The following CRPPA variants were observed in gnomAD, a reference collection of about 807,000 sequenced individuals.
CRPPA encodes D-ribitol-5-phosphate cytidylyltransferase.
CRPPA carries 43 observed loss-of-function variants against 52.0 expected under a neutral mutation model. The ratio of observed to expected loss-of-function variants is 0.83; its 90% CI spans 0.65 to 1.07. The LOEUF is 1.07. Among genes scored for constraint, CRPPA ranks in the 50% least tolerant of loss-of-function variants. CRPPA has a pLI of 0.00. For synonymous variants in CRPPA, 250 were observed against 203.5 expected, an observed-to-expected ratio of 1.23 and a Z score of -1.94; for missense variants, 629 against 551.7, an observed-to-expected ratio of 1.14 and a Z score of -1.40.
chr7:16,306,025 T>G (rs1239254468), intron 4 of CRPPA, among the ~76,000 whole-genome samples: 2 of 152,228 alleles, frequency 1.3e-5, no homozygotes, highest in Admixed American at 6.5e-5. Flanking sequence ...TGGCAACCCC[T>G]GCCATTCCTT....
At chr7:16,394,489 T>C (rs1787521420) in intron 2 of CRPPA, among the ~76,000 whole-genome samples, 1 of 152,106 alleles carries the variant, frequency 6.6e-6, no homozygotes, top group Admixed American at 6.6e-5. Flanking sequence ...GTTTATTCAT[T>C]GGGGGGATTA....
intron 4 of CRPPA, among the ~76,000 whole-genome samples, chr7:16,307,899 A>G (rs1265906371): frequency 4.7e-5 from 6 of 127,202 alleles, no homozygotes; most frequent in African/African-American, 1.9e-4. Flanking sequence ...TTGTAGCTTT[A>G]ATCAAACTGA....
intron 6 of CRPPA, among the ~76,000 whole-genome samples, chr7:16,260,521 G>A (rs1373797313): frequency 2.0e-5 from 3 of 151,956 alleles, no homozygotes; most frequent in African/African-American, 7.2e-5. Context: ...CTACTGCTGT[G>A]GTTATAAATG....
At chr7:16,297,575 T>A (rs529959821) in intron 5 of CRPPA, among the ~76,000 whole-genome samples, 216 of 152,314 alleles carry the variant, frequency 1.4e-3, no homozygotes, top group African/African-American at 4.3e-3. Flanking sequence ...TCCACCTTCA[T>A]TGAATCACAA....
chr7:16,252,137 G>A (rs569341262), intron 8 of CRPPA, among the ~76,000 whole-genome samples: 2 of 152,110 alleles, frequency 1.3e-5, no homozygotes, highest in Admixed American at 6.6e-5. Context: ...GTTGAACATC[G>A]ATGTGAAAAT....
chr7:16,258,332 A>C (rs1029109377), intron 8 of CRPPA, 58 bp downstream of exon 8: 8 of 1,067,554 alleles, frequency 7.5e-6, no homozygotes, highest in South Asian at 5.7e-5. Flanking sequence ...AAATATGTAC[A>C]TTGAGTTACA....
At chr7:16,313,282 T>C (rs1355248600) in intron 3 of CRPPA, among the ~76,000 whole-genome samples, 1 of 151,972 alleles carries the variant, frequency 6.6e-6, no homozygotes, top group Admixed American at 6.6e-5. Flanking sequence ...GTTCTTCCTG[T>C]ATGATTTTGG....
chr7:16,259,676 G>A (rs62440451), intron 6 of CRPPA, among the ~76,000 whole-genome samples: 47,880 of 151,672 alleles, frequency 0.32, 8,757 homozygotes, highest in Admixed American at 0.44. Context: ...ATCACAATAT[G>A]AACAAAAACT....
chr7:16,244,031 C>A (rs991626593), intron 8 of CRPPA, among the ~76,000 whole-genome samples: 8 of 152,068 alleles, frequency 5.3e-5, no homozygotes, highest in Non-Finnish European at 1.2e-4. Context: ...ATAATGTCTA[C>A]AAGATTATAC....
At chr7:16,281,115 A>T (rs1784313170) in intron 5 of CRPPA, among the ~76,000 whole-genome samples, 1 of 152,212 alleles carries the variant, frequency 6.6e-6, no homozygotes, top group Non-Finnish European at 1.5e-5. Context: ...TCATTGCCAC[A>T]TAAATTTTTA....
At chr7:16,119,192 T>C (rs1159762370) in intron 9 of CRPPA, among the ~76,000 whole-genome samples, 1 of 151,994 alleles carries the variant, frequency 6.6e-6, no homozygotes, top group African/African-American at 2.4e-5. Flanking sequence ...CAATTTCTAA[T>C]TACAGGGAAG....
At chr7:16,370,156 A>C (rs1315355955) in intron 3 of CRPPA, among the ~76,000 whole-genome samples, 1 of 152,216 alleles carries the variant, frequency 6.6e-6, no homozygotes. Flanking sequence ...GAGGGGTTGC[A>C]GGGTGAAAGA....
chr7:16,123,519 A>G (rs1782517175), intron 9 of CRPPA, among the ~76,000 whole-genome samples: 1 of 152,206 alleles, frequency 6.6e-6, no homozygotes, highest in African/African-American at 2.4e-5. Flanking sequence ...GAAGCCAAGG[A>G]TAGCTTTCAA....
intron 4 of CRPPA, 126 bp downstream of exon 4, chr7:16,308,397 T>C: frequency 1.6e-6 from 1 of 624,562 alleles, no homozygotes; most frequent in Non-Finnish European, 2.9e-6. Context: ...TACTACACAT[T>C]GATGGTTCAG....
chr7:16,216,292 C>A, intron 8 of CRPPA, 95 bp from the exon 9 acceptor site: 1 of 700,360 alleles, frequency 1.4e-6, no homozygotes, highest in Admixed American at 3.3e-5. Context: ...CATATGATTA[C>A]AATATTGCAA....
intron 9 of CRPPA, among the ~76,000 whole-genome samples, chr7:16,199,863 T>C (rs1390528028): frequency 6.7e-6 from 1 of 149,992 alleles, no homozygotes; most frequent in African/African-American, 2.4e-5. Flanking sequence ...TCTTTTTTTT[T>C]TTTTTTTTTT....
intron 8 of CRPPA, among the ~76,000 whole-genome samples, chr7:16,241,096 C>A (rs1310601239): frequency 1.3e-5 from 2 of 152,054 alleles, no homozygotes; most frequent in Non-Finnish European, 2.9e-5. Context: ...CTGGCTCTGC[C>A]ACTGGTGAGC....
intron 9 of CRPPA, among the ~76,000 whole-genome samples, chr7:16,204,382 C>G (rs1781922630): frequency 6.6e-6 from 1 of 152,014 alleles, no homozygotes; most frequent in Non-Finnish European, 1.5e-5. Context: ...AACAGACACT[C>G]AAATACCAAG....
chr7:16,384,540 T>A (rs753249260), intron 2 of CRPPA, among the ~76,000 whole-genome samples: 1 of 152,186 alleles, frequency 6.6e-6, no homozygotes, highest in African/African-American at 2.4e-5. Flanking sequence ...TAGCACACAA[T>A]GAGTGTAGCT....
Sources: allele counts gnomAD v4.1 joint callset (sites outside exome capture counted in the v4.1 genomes callset), GRCh38; gene constraint gnomAD v4.1.1; transcripts MANE v1.5; gene names NCBI Gene and HGNC (gene_info 2026-07-23, HGNC 2026-07-21).